The following SGCZ variants were observed in gnomAD, a reference collection of about 807,000 sequenced individuals.
SGCZ encodes zeta-sarcoglycan.
In SGCZ, 40 loss-of-function variants were observed where a neutral mutation model predicts 41.3. The observed-to-expected ratio is 0.97, with a 90% CI of 0.75 to 1.26. The LOEUF (loss-of-function observed/expected upper bound fraction) is 1.26. SGCZ is among the 50% of genes most tolerant of loss of function. The pLI is 0.00. For missense variants in SGCZ, 552 were observed against 369.8 expected (o/e 1.49, Z -4.04); for synonymous variants, 206 against 137.5 (o/e 1.50, Z -3.49).
intron 3 of SGCZ, among the ~76,000 whole-genome samples, chr8:14,287,607 A>T (rs1800685827): frequency 6.6e-6 from 1 of 152,144 alleles, no homozygotes; most frequent in Admixed American, 6.6e-5. Context: ...TAAACATTAT[A>T]GTACTAATGA....
chr8:14,102,106 T>TATATATATATATAA (rs1491151875), intron 7 of SGCZ, among the ~76,000 whole-genome samples: 2 of 36,668 alleles, frequency 5.5e-5, no homozygotes, highest in African/African-American at 1.5e-4. Flanking sequence ...ATATATATAA[T>TATATATATATATAA]TTTTTTTTTT....
At chr8:14,729,545 G>A (rs779309118) in intron 1 of SGCZ, among the ~76,000 whole-genome samples, 1 of 152,182 alleles carries the variant, frequency 6.6e-6, no homozygotes, top group Non-Finnish European at 1.5e-5. Flanking sequence ...TAGGCCATGT[G>A]AGGACACAGT....
chr8:14,267,617 T>A (rs1799919296), intron 3 of SGCZ, among the ~76,000 whole-genome samples: 1 of 152,068 alleles, frequency 6.6e-6, no homozygotes, highest in Admixed American at 6.6e-5. Context: ...ATTTTTGTTG[T>A]CACTGTTTTA....
chr8:14,324,120 C>T lies in SGCZ; in HGVS notation c.319G>A (p.Glu107Lys). ...SEFLLPLYVK[E>K]IHSRKDSPLV... is the part of the protein sequence containing the mutation. ...TCACATACCTTTCGAGAATGAATTT[C>T]TTTCACATACAATGGAAGTAGAAAC... Residue 107 changes from glutamate (E) to lysine (K), a missense_variant, in exon 3 of 8, where the codon GAA becomes AAA. Physicochemically the swap from Glu to Lys is moderately conservative, Grantham distance 56. Coordinates refer to ENST00000382080, the MANE Select transcript of SGCZ (RefSeq NM_139167.4). 1 of 1,611,892 alleles carries T rather than the reference C, an allele frequency of 6.2e-7. No individual in the cohort carries two copies. Among genetic ancestry groups the T allele is most frequent in the Non-Finnish European group, 8.5e-7 (1 of 1,178,732 alleles).
intron 3 of SGCZ, among the ~76,000 whole-genome samples, chr8:14,306,872 T>G (rs1316529468): frequency 6.6e-6 from 1 of 152,206 alleles, no homozygotes; most frequent in East Asian, 1.9e-4. Context: ...ATTACTTCTT[T>G]GTGCTCCACA....
chr8:14,660,412 A>C lies in SGCZ; in HGVS notation c.40-105486T>G, dbSNP rs190791255. On this transcript the variant is annotated intron_variant, in intron 1 of 7. Coordinates refer to ENST00000382080, the MANE Select transcript of SGCZ (RefSeq NM_139167.4). ...CATGGTGAAACCTCATCTCTACTAA[A>C]AATACTCAAATTAGCCAGGCGTGGT... 3.3e-5 allele frequency among the ~76,000 whole-genome samples: 5 copies of C among 151,816 alleles called. No homozygotes were observed. The East Asian group carries it at 9.8e-4, about 30-fold the overall frequency.
chr8:15,206,047 G>A (rs904093775), intron 1 of SGCZ, among the ~76,000 whole-genome samples: 3 of 152,076 alleles, frequency 2.0e-5, no homozygotes, highest in Non-Finnish European at 4.4e-5. Flanking sequence ...GTGGGAGGAG[G>A]GAGAGGAGCA....
chr8:14,274,881 C>T (rs1426999), intron 3 of SGCZ, among the ~76,000 whole-genome samples: 143,911 of 152,204 alleles, frequency 0.95, 68,543 homozygotes, highest in Non-Finnish European at 1. Context: ...CTAGGCATTA[C>T]ATAAAGTAAA....
intron 2 of SGCZ, among the ~76,000 whole-genome samples, chr8:14,531,639 G>A (rs947572579): frequency 3.9e-5 from 6 of 152,050 alleles, no homozygotes; most frequent in Admixed American, 3.9e-4. Context: ...GGATAGCCAT[G>A]AAGATAATGA....
At chr8:14,197,581 G>C (rs538410744) in intron 4 of SGCZ, among the ~76,000 whole-genome samples, 9 of 151,802 alleles carry the variant, frequency 5.9e-5, no homozygotes, top group African/African-American at 2.2e-4. Flanking sequence ...TTAGTACCTA[G>C]AGAAAAAGCT....
chr8:14,351,550 T>A (rs1803094492), intron 2 of SGCZ, among the ~76,000 whole-genome samples: 1 of 151,324 alleles, frequency 6.6e-6, no homozygotes, highest in African/African-American at 2.4e-5. Flanking sequence ...AATTATCATA[T>A]AATTTAGAAG....
intron 1 of SGCZ, among the ~76,000 whole-genome samples, chr8:15,228,921 T>C (rs899966504): frequency 2.4e-4 from 37 of 152,310 alleles, no homozygotes; most frequent in African/African-American, 8.9e-4. Context: ...AGGCTGGGCA[T>C]GGTGGCTCAC....
At chr8:14,857,405 T>G (rs2130670026) in intron 1 of SGCZ, among the ~76,000 whole-genome samples, 1 of 152,344 alleles carries the variant, frequency 6.6e-6, no homozygotes, top group South Asian at 2.1e-4. Context: ...TACGATTCTT[T>G]TAGTTAATTT....
intron 1 of SGCZ, among the ~76,000 whole-genome samples, chr8:15,173,896 T>G (rs1585639632): frequency 6.6e-6 from 1 of 152,040 alleles, no homozygotes; most frequent in Non-Finnish European, 1.5e-5. Context: ...CCTGGCTAAT[T>G]TTTTTATTTT....
intron 1 of SGCZ, among the ~76,000 whole-genome samples, chr8:14,675,085 C>T (rs1242716332): frequency 2.0e-5 from 3 of 151,278 alleles, no homozygotes; most frequent in Non-Finnish European, 4.4e-5. Flanking sequence ...ACTATAGGCA[C>T]CCGCCACCAC....
intron 1 of SGCZ, among the ~76,000 whole-genome samples, chr8:14,589,435 C>A (rs1013157210): frequency 2.0e-5 from 3 of 151,778 alleles, no homozygotes; most frequent in Admixed American, 6.6e-5. Flanking sequence ...TAATGACATT[C>A]ACCAGAAATG....
intron 1 of SGCZ, among the ~76,000 whole-genome samples, chr8:14,615,386 G>A (rs984466634): frequency 1.3e-5 from 2 of 152,178 alleles, no homozygotes; most frequent in Non-Finnish European, 2.9e-5. Context: ...TCCTGTATCT[G>A]GCCCATAAAA....
At chr8:14,646,092 A>G (rs1807205050) in intron 1 of SGCZ, among the ~76,000 whole-genome samples, 1 of 151,848 alleles carries the variant, frequency 6.6e-6, no homozygotes, top group Non-Finnish European at 1.5e-5. Context: ...CAGGGAATAC[A>G]TATACAGGTC....
At chr8:14,425,481 C>T (rs1034547220) in intron 2 of SGCZ, among the ~76,000 whole-genome samples, 3 of 151,896 alleles carry the variant, frequency 2.0e-5, no homozygotes, top group Non-Finnish European at 4.4e-5. Context: ...ATTAGCTGGG[C>T]TTGGTGGCAG....
Sources: allele counts gnomAD v4.1 joint callset (sites outside exome capture counted in the v4.1 genomes callset), GRCh38; gene constraint gnomAD v4.1.1; transcripts MANE v1.5; gene names NCBI Gene and HGNC (gene_info 2026-07-23, HGNC 2026-07-21).